The following GHR variants were observed in gnomAD, a reference collection of about 807,000 sequenced individuals.
GHR encodes the protein growth hormone receptor.
In GHR, 35 loss-of-function variants were observed where a neutral mutation model predicts 67.1. That is an observed-to-expected ratio of 0.52 (90% CI 0.40 to 0.69). The LOEUF (loss-of-function observed/expected upper bound fraction) is 0.69, where lower values mean the gene tolerates loss of function less well. GHR is among the 30% of genes least tolerant of loss of function. GHR has a pLI of 0.00. For missense variants in GHR, 792 were observed against 764.6 expected (o/e 1.04, Z -0.42); for synonymous variants, 272 against 269.1 (o/e 1.01, Z -0.10).
At chr5:42,536,612 G>C (rs1002467550) in intron 1 of GHR, among the ~76,000 whole-genome samples, 1 of 152,036 alleles carries the variant, frequency 6.6e-6, no homozygotes, top group Admixed American at 6.6e-5. Flanking sequence ...CAAGGATATC[G>C]GTCTGTAGTT....
intron 1 of GHR, among the ~76,000 whole-genome samples, chr5:42,562,490 G>T (rs1438874347): frequency 6.6e-6 from 1 of 152,020 alleles, no homozygotes; most frequent in Non-Finnish European, 1.5e-5. Flanking sequence ...CCTCCTGTTT[G>T]GGAGCATGGC....
chr5:42,628,366 C>T (rs1753807401), intron 2 of GHR, among the ~76,000 whole-genome samples: 1 of 143,994 alleles, frequency 6.9e-6, no homozygotes, highest in Non-Finnish European at 1.5e-5. Context: ...GTTTCCCTGT[C>T]TCCTGTCCAT....
intron 3 of GHR, among the ~76,000 whole-genome samples, chr5:42,642,834 C>G (rs1272825430): frequency 6.6e-6 from 1 of 152,134 alleles, no homozygotes; most frequent in East Asian, 1.9e-4. Flanking sequence ...TTCCATGCCT[C>G]TCTCCTAGAT....
chr5:42,717,604 G>A (rs1279995699), intron 8 of GHR, among the ~76,000 whole-genome samples: 1 of 152,060 alleles, frequency 6.6e-6, no homozygotes, highest in Non-Finnish European at 1.5e-5. Context: ...CCTTTTTCAA[G>A]GGTGTAAGTA....
chr5:42,592,869 A>G (rs1475832468), intron 2 of GHR, among the ~76,000 whole-genome samples: 1 of 152,220 alleles, frequency 6.6e-6, no homozygotes, highest in African/African-American at 2.4e-5. Context: ...AGCAATATAA[A>G]TATTCCTTTT....
At chr5:42,486,962 A>T (rs1375033548) in intron 1 of GHR, among the ~76,000 whole-genome samples, 2 of 152,124 alleles carry the variant, frequency 1.3e-5, no homozygotes, top group Non-Finnish European at 2.9e-5. Context: ...CTAATACGAG[A>T]TAGTTTCTCC....
chr5:42,501,363 T>C (rs1222389617), intron 1 of GHR, among the ~76,000 whole-genome samples: 2 of 152,060 alleles, frequency 1.3e-5, no homozygotes, highest in Admixed American at 6.6e-5. Flanking sequence ...AAATTAGCTT[T>C]TTTTTTTATC....
Position 42,648,025 on chromosome 5 carries a change from A to T in GHR, c.136+18922A>T, listed in dbSNP as rs541573423. 9.2e-5 allele frequency among the ~76,000 whole-genome samples: 14 copies of T among 152,294 alleles called. No homozygotes were observed. The South Asian group carries it at 1.0e-3, about 11-fold the overall frequency. ...GTGTAAAGTTTCTCTGTATTTTTTT[A>T]AAAAATTTTTAAAGACCAGAGATTT... is the stretch of plus-strand genomic sequence containing the variant. On this transcript the variant is annotated intron_variant, in intron 3 of 9. Coordinates refer to ENST00000230882, the MANE Select transcript of GHR (RefSeq NM_000163.5).
At chr5:42,703,801 T>C (rs1237201001) in intron 6 of GHR, among the ~76,000 whole-genome samples, 1 of 151,910 alleles carries the variant, frequency 6.6e-6, no homozygotes, top group Non-Finnish European at 1.5e-5. Flanking sequence ...TTTATTTTTA[T>C]AGATATTGTG....
rs187999757 is a variant in GHR, at chr5:42,605,189, C to T, written c.71-23849C>T. 3.3e-4 allele frequency among the ~76,000 whole-genome samples: 50 copies of T among 151,100 alleles called. No individual in the cohort carries two copies. The East Asian group carries it at 5.1e-3, about 15-fold the overall frequency. ...TCAGCTCACCCCAACCTCCACGTCC[C>T]GGGTTCAAGTGATTCCCCTGTCCCC... On this transcript the variant is annotated intron_variant, in intron 2 of 9. Transcript: ENST00000230882.
At chr5:42,649,104 T>C (rs73095786) in intron 3 of GHR, among the ~76,000 whole-genome samples, 2,158 of 152,292 alleles carry the variant, frequency 0.014, 47 homozygotes, top group African/African-American at 0.048. Flanking sequence ...TCAGACAGAC[T>C]TGGCTTCAGT....
Position 42,721,257 on chromosome 5 carries a change from C to T in GHR, c.*1833C>T, listed in dbSNP as rs1759009531. The T allele has an allele frequency of 6.6e-6, 1 of 152,104 alleles. No individual in the cohort carries two copies. The highest frequency in any genetic ancestry group is 1.5e-5 in the Non-Finnish European group (1 of 68,006). 9.4% of individuals were successfully genotyped at this position (152,104 alleles called of 1,614,324 possible). A position where few individuals can be genotyped will look rare whatever the true frequency, so the allele number is the denominator to read the frequency against. On this transcript the variant is annotated 3_prime_UTR_variant, in exon 10 of 10. Coordinates refer to ENST00000230882, the MANE Select transcript of GHR (RefSeq NM_000163.5). ...CATTCTTGAGAGCATTGGGATATCTCCTGAAAAGGTTTATGAAAAAGAAGA... is the reference window on the plus strand; with the variant it reads ...CATTCTTGAGAGCATTGGGATATCTTCTGAAAAGGTTTATGAAAAAGAAGA...
chr5:42,602,003 TTTC>T (rs1752398447), intron 2 of GHR, among the ~76,000 whole-genome samples: 1 of 152,156 alleles, frequency 6.6e-6, no homozygotes, highest in South Asian at 2.1e-4. Context: ...AGTTAACCAA[TTTC>T]TTTTTTCTAT....
chr5:42,607,797 C>T (rs10076926), intron 2 of GHR, among the ~76,000 whole-genome samples: 35 of 152,244 alleles, frequency 2.3e-4, no homozygotes, highest in East Asian at 2.1e-3. Flanking sequence ...TGTATTAACA[C>T]GAGAATAGCA....
At chr5:42,437,123 T>G (rs1034028956) in intron 1 of GHR, among the ~76,000 whole-genome samples, 4 of 152,224 alleles carry the variant, frequency 2.6e-5, no homozygotes, top group Non-Finnish European at 5.9e-5. Flanking sequence ...GGCAATCATG[T>G]AAAAACGTGC....
chr5:42,551,035 A>G (rs928802499), intron 1 of GHR, among the ~76,000 whole-genome samples: 1 of 152,190 alleles, frequency 6.6e-6, no homozygotes, highest in East Asian at 1.9e-4. Context: ...GAGAACCTCT[A>G]GTGCCTCTGG....
At chr5:42,570,416 T>G (rs963635039) in intron 2 of GHR, among the ~76,000 whole-genome samples, 1 of 152,250 alleles carries the variant, frequency 6.6e-6, no homozygotes, top group Non-Finnish European at 1.5e-5. Context: ...GCAAGCTGGA[T>G]TAATCTAGAT....
intron 3 of GHR, among the ~76,000 whole-genome samples, chr5:42,657,353 A>T (rs1344808130): frequency 6.6e-5 from 10 of 152,096 alleles, no homozygotes. Context: ...CATATAAATG[A>T]TTTTCTCTGC....
intron 2 of GHR, among the ~76,000 whole-genome samples, chr5:42,616,359 G>A (rs1182058346): frequency 6.6e-6 from 1 of 151,978 alleles, no homozygotes; most frequent in African/African-American, 2.4e-5. Context: ...ACTTGTTGAT[G>A]GTTAAATGAG....
Sources: allele counts gnomAD v4.1 joint callset (sites outside exome capture counted in the v4.1 genomes callset), GRCh38; gene constraint gnomAD v4.1.1; transcripts MANE v1.5; gene names NCBI Gene and HGNC (gene_info 2026-07-23, HGNC 2026-07-21).